Variants in MAGI1 observed in about 807,000 individuals in gnomAD.
MAGI1 encodes the protein membrane associated guanylate kinase, WW and PDZ domain containing 1.
Under a neutral mutation model 139.9 loss-of-function variants are expected in MAGI1, and 58 were observed. That is an observed-to-expected ratio of 0.41 (90% confidence interval 0.34 to 0.52). The LOEUF (loss-of-function observed/expected upper bound fraction) is 0.52. MAGI1 is among the 20% of genes least tolerant of loss of function. The probability of loss-of-function intolerance (pLI) is 0.12; values close to 1 mark genes in which losing one functional copy is unlikely to be tolerated. For missense variants in MAGI1, 1,874 were observed against 1,901.6 expected (o/e 0.99, Z 0.27); for synonymous variants, 812 against 737.9 (o/e 1.10, Z -1.63).
At position 65,507,095 on chromosome 3, in the gene MAGI1, G is replaced by C. The variant is rs370672604; in HGVS notation, c.431-13464C>G. Among the ~76,000 whole-genome samples, 200 of 152,072 alleles carry C rather than the reference G, an allele frequency of 1.3e-3. 4 individuals are homozygous for C. Among genetic ancestry groups the C allele is most frequent in the Non-Finnish European group, 4.1e-4 (28 of 68,014 alleles). The stretch of plus-strand genomic sequence containing the variant: ...TATAACTTCTTGAAAAAATAAAGAA[G>C]AATTGGGTACAATACTAAGCCTACA... On this transcript the variant is annotated intron_variant, in intron 2 of 22. Transcript: ENST00000402939.
chr3:65,933,179 G>C (rs1187054149), intron 1 of MAGI1, among the ~76,000 whole-genome samples: 1 of 152,182 alleles, frequency 6.6e-6, no homozygotes, highest in African/African-American at 2.4e-5. Context: ...TTGGAGTCCA[G>C]AGAGAATGCA....
chr3:65,709,689 T>C (rs576147565), intron 1 of MAGI1, among the ~76,000 whole-genome samples: 19 of 152,320 alleles, frequency 1.2e-4, no homozygotes, highest in Admixed American at 4.6e-4. Context: ...TTTAAGCACA[T>C]TGACACCCAA....
At chr3:65,940,373 T>A (rs2063249951) in intron 1 of MAGI1, among the ~76,000 whole-genome samples, 1 of 152,160 alleles carries the variant, frequency 6.6e-6, no homozygotes, top group Non-Finnish European at 1.5e-5. Context: ...GAGGCTGAAG[T>A]CTAAGATCAG....
At chr3:65,986,155 G>A (rs72908994) in intron 1 of MAGI1, among the ~76,000 whole-genome samples, 205 of 152,106 alleles carry the variant, frequency 1.3e-3, no homozygotes, top group African/African-American at 4.8e-3. Context: ...CTAAACACAG[G>A]CATGTTTGCA....
chr3:65,884,053 T>C (rs918333285), intron 1 of MAGI1, among the ~76,000 whole-genome samples: 1 of 152,038 alleles, frequency 6.6e-6, no homozygotes, highest in Non-Finnish European at 1.5e-5. Flanking sequence ...CAGAATACAC[T>C]TATCTTAAAG....
chr3:65,767,580 CAAGA>C (rs905686962), intron 1 of MAGI1, among the ~76,000 whole-genome samples: 16 of 152,312 alleles, frequency 1.1e-4, no homozygotes, highest in Admixed American at 9.1e-4. Context: ...ATCCTTCCCT[CAAGA>C]AAGAACTTCC....
chr3:65,422,740 A>C (rs1279922330), intron 12 of MAGI1, among the ~76,000 whole-genome samples: 2 of 152,084 alleles, frequency 1.3e-5, no homozygotes, highest in Non-Finnish European at 2.9e-5. Context: ...AGGAATGGTC[A>C]CGGCAGACTC....
chr3:65,394,023 C>A (rs549756368), intron 13 of MAGI1, among the ~76,000 whole-genome samples: 18 of 152,232 alleles, frequency 1.2e-4, no homozygotes, highest in South Asian at 4.2e-4. Context: ...AGAGAAAATG[C>A]GTATGTGCTT....
In MAGI1 at chr3:65,493,620, A is replaced by G; in HGVS notation, c.442T>C (p.Ser148Pro). Residue 148 changes from serine to proline, a missense_variant, in exon 3 of 23, where the codon TCT becomes CCT. Around this residue, in one of 5 missense-constraint regions of MAGI1, gnomAD observed 648 missense variants for 598.1 expected, o/e 1.08. Coordinates refer to ENST00000402939, the MANE Select transcript of MAGI1 (RefSeq NM_001033057.2). ...YRHAVPCTTR[S>P]PREGEVPGVD... Reference sequence around the variant, plus strand: ...CCAGGCACTTCTCCTTCTCTGGGAGATCGGGTTGTGCCTGTAGCAGAAAAT... The same window carrying G: ...CCAGGCACTTCTCCTTCTCTGGGAGGTCGGGTTGTGCCTGTAGCAGAAAAT... The G allele has an allele frequency of 6.2e-7, 1 of 1,614,130 alleles. No individual in the cohort carries two copies. Among genetic ancestry groups the G allele is most frequent in the Non-Finnish European group, 8.5e-7 (1 of 1,180,036 alleles).
chr3:65,577,071 C>T (rs931826972), intron 2 of MAGI1, among the ~76,000 whole-genome samples: 4 of 152,166 alleles, frequency 2.6e-5, no homozygotes, highest in African/African-American at 7.2e-5. Context: ...ACACTTAATA[C>T]TCTATAATAA....
At chr3:65,949,951 A>C (rs1313259425) in intron 1 of MAGI1, among the ~76,000 whole-genome samples, 1 of 150,354 alleles carries the variant, frequency 6.7e-6, no homozygotes, top group Admixed American at 6.6e-5. Context: ...CAGGAGGCTG[A>C]GATGGGAGGA....
intron 1 of MAGI1, among the ~76,000 whole-genome samples, chr3:66,012,638 C>A (rs541965233): frequency 6.6e-6 from 1 of 151,866 alleles, no homozygotes; most frequent in African/African-American, 2.4e-5. Flanking sequence ...TGGTGGTACA[C>A]ATCTGTAATC....
At chr3:65,808,023 T>C (rs920965240) in intron 1 of MAGI1, among the ~76,000 whole-genome samples, 4 of 151,916 alleles carry the variant, frequency 2.6e-5, no homozygotes, top group East Asian at 2.0e-4. Flanking sequence ...TTTTTTTTTT[T>C]TGGCTCTTGT....
chr3:66,032,377 A>ATTTTTTTTTTTTTTTTTTT (rs781376605), intron 1 of MAGI1, among the ~76,000 whole-genome samples: 1 of 128,712 alleles, frequency 7.8e-6, no homozygotes. Flanking sequence ...CGCCCGGCTA[A>ATTTTTTTTTTTTTTTTTTT]TTTTTTTGTT....
chr3:65,754,849 A>C (rs1347583965), intron 1 of MAGI1, among the ~76,000 whole-genome samples: 1 of 152,214 alleles, frequency 6.6e-6, no homozygotes, highest in African/African-American at 2.4e-5. Context: ...CTAGTTTTCT[A>C]TGTTTAAAAG....
intron 1 of MAGI1, among the ~76,000 whole-genome samples, chr3:65,626,036 A>G (rs1170471942): frequency 6.6e-6 from 1 of 152,150 alleles, no homozygotes; most frequent in Non-Finnish European, 1.5e-5. Context: ...GAAATTGAGT[A>G]AAAAAATAAT....
In MAGI1 at chr3:65,639,490, G is replaced by A. The variant is rs146438311; in HGVS notation, c.314-17402C>T. Among the ~76,000 whole-genome samples the A allele has an allele frequency of 3.7e-3, 569 of 152,274 alleles. 6 individuals are homozygous for A. The highest frequency in any genetic ancestry group is 0.013 in the African/African-American group (529 of 41,550). On this transcript the variant is annotated intron_variant, in intron 1 of 22. Transcript: ENST00000402939. ...ATTTGAGTTTCGGGAAGTCATCTGG[G>A]AGGGTTGATTTTATGTGTTAACTTG...
intron 2 of MAGI1, among the ~76,000 whole-genome samples, chr3:65,609,089 G>A (rs2082900591): frequency 6.6e-6 from 1 of 152,132 alleles, no homozygotes; most frequent in Non-Finnish European, 1.5e-5. Flanking sequence ...TGGGAAGGAA[G>A]GGAAGCGTTC....
At chr3:65,570,891 A>C (rs2080925399) in intron 2 of MAGI1, among the ~76,000 whole-genome samples, 1 of 152,248 alleles carries the variant, frequency 6.6e-6, no homozygotes, top group African/African-American at 2.4e-5. Flanking sequence ...ACAATGGTTC[A>C]AAAGAACTGC....
Sources: allele counts gnomAD v4.1 joint callset (sites outside exome capture counted in the v4.1 genomes callset), GRCh38; gene constraint gnomAD v4.1.1; regional missense constraint gnomAD v4.1.1; transcripts MANE v1.5; gene names NCBI Gene and HGNC (gene_info 2026-07-23, HGNC 2026-07-21).